Variants in LPP observed in about 807,000 individuals in gnomAD.
The protein encoded by LPP is lipoma-preferred partner.
Under a neutral mutation model 60.4 loss-of-function variants are expected in LPP, and 38 were observed. That is an observed-to-expected ratio of 0.63 (90% CI 0.49 to 0.83). LPP has a LOEUF of 0.83. LPP is among the 40% of genes least tolerant of loss of function. The pLI, the probability that LPP is intolerant of heterozygous loss-of-function variation, is 0.00. For synonymous variants in LPP, 328 were observed against 290.8 expected, an observed-to-expected ratio of 1.13 and a Z score of -1.30; for missense variants, 902 against 783.6, an observed-to-expected ratio of 1.15 and a Z score of -1.80.
intron 8 of LPP, among the ~76,000 whole-genome samples, chr3:188,744,899 C>T (rs1274435018): frequency 6.6e-6 from 1 of 152,106 alleles, no homozygotes; most frequent in African/African-American, 2.4e-5. Context: ...TCCTCCCATT[C>T]CTACCTGCCC....
intron 9 of LPP, among the ~76,000 whole-genome samples, chr3:188,834,337 T>C (rs1378364973): frequency 6.8e-6 from 1 of 146,472 alleles, no homozygotes; most frequent in Non-Finnish European, 1.5e-5. Context: ...TTTTTTTTTT[T>C]TTTTTTTTTT....
chr3:188,567,793 A>G (rs911130202), intron 6 of LPP, among the ~76,000 whole-genome samples: 5 of 151,992 alleles, frequency 3.3e-5, no homozygotes, highest in Non-Finnish European at 7.4e-5. Flanking sequence ...CTTCTCATGC[A>G]TATCAACACC....
At chr3:188,377,605 G>A (rs953113293) in intron 3 of LPP, among the ~76,000 whole-genome samples, 8 of 152,018 alleles carry the variant, frequency 5.3e-5, no homozygotes, top group African/African-American at 9.7e-5. Flanking sequence ...TTATCCATTC[G>A]TCTAATTTTT....
chr3:188,188,320 T>C (rs147847767), intron 1 of LPP, among the ~76,000 whole-genome samples: 196 of 152,290 alleles, frequency 1.3e-3, no homozygotes, highest in Admixed American at 2.6e-3. Context: ...ACATTTAGTT[T>C]TCTTGGCAGC....
intron 6 of LPP, among the ~76,000 whole-genome samples, chr3:188,556,798 T>C (rs555404567): frequency 6.6e-6 from 1 of 152,052 alleles, no homozygotes; most frequent in African/African-American, 2.4e-5. Flanking sequence ...CTGAATGCCC[T>C]GGTGATTGAT....
At position 188,330,247 on chromosome 3, in the gene LPP, CTT is replaced by C. The variant is rs527881061; in HGVS notation, c.-66-11415_-66-11414del. On this transcript the variant is annotated intron_variant, in intron 2 of 11. Transcript: ENST00000617246. ...ACTACATGTTCTTTTAAATATGTCTCTTATGTTATAGAGTAACTTTTTGGGGA... is the reference window on the plus strand; with the variant it reads ...ACTACATGTTCTTTTAAATATGTCTCATGTTATAGAGTAACTTTTTGGGGA... Among the ~76,000 whole-genome samples the C allele has an allele frequency of 2.7e-4, 41 of 152,266 alleles. No homozygotes were observed. The South Asian group carries it at 8.5e-3, about 32-fold the overall frequency.
At chr3:188,708,204 G>C (rs184941874) in intron 7 of LPP, 63 bp from the exon 8 acceptor site, 3 of 1,588,708 alleles carry the variant, frequency 1.9e-6, no homozygotes, top group Non-Finnish European at 2.6e-6. Flanking sequence ...GCTTGTTTAG[G>C]CTGACTGCCT....
chr3:188,475,486 T>A (rs963884792), intron 4 of LPP, among the ~76,000 whole-genome samples: 6 of 152,160 alleles, frequency 3.9e-5, no homozygotes, highest in South Asian at 2.1e-4. Flanking sequence ...GGATAAAAAA[T>A]TGAAAACAAT....
intron 4 of LPP, among the ~76,000 whole-genome samples, chr3:188,425,668 T>G (rs891646254): frequency 3.3e-5 from 5 of 152,232 alleles, no homozygotes; most frequent in Non-Finnish European, 7.3e-5. Flanking sequence ...CTTCCTGGTT[T>G]AGTCTTGGGA....
At chr3:188,326,913 C>G (rs1234714271) in intron 2 of LPP, among the ~76,000 whole-genome samples, 2 of 151,988 alleles carry the variant, frequency 1.3e-5, no homozygotes, top group African/African-American at 4.8e-5. Flanking sequence ...AATCTCAATT[C>G]TTCTGGATTT....
intron 8 of LPP, 76 bp downstream of exon 8, chr3:188,708,469 TC>T: frequency 1.3e-6 from 2 of 1,574,640 alleles, no homozygotes; most frequent in Non-Finnish European, 1.7e-6. Context: ...GGAACTATTA[TC>T]AGCTCCACTG....
chr3:188,408,010 A>C (rs1578674187), intron 4 of LPP, among the ~76,000 whole-genome samples: 1 of 150,488 alleles, frequency 6.6e-6, no homozygotes, highest in African/African-American at 2.4e-5. Flanking sequence ...CTGGTCTTGA[A>C]CTCCTGACCT....
chr3:188,539,834 A>T (rs1396966909), intron 6 of LPP, among the ~76,000 whole-genome samples: 3 of 152,172 alleles, frequency 2.0e-5, no homozygotes, highest in Non-Finnish European at 4.4e-5. Context: ...ATGGGAGCTC[A>T]TTTGAATGAT....
chr3:188,698,137 A>G (rs962668397), intron 7 of LPP, among the ~76,000 whole-genome samples: 1 of 151,654 alleles, frequency 6.6e-6, no homozygotes, highest in African/African-American at 2.4e-5. Context: ...CATTAGAGCA[A>G]CTAGCCCATT....
intron 7 of LPP, among the ~76,000 whole-genome samples, chr3:188,622,406 C>T (rs528997742): frequency 2.0e-5 from 3 of 152,138 alleles, no homozygotes; most frequent in African/African-American, 7.2e-5. Flanking sequence ...CTGCTTACAA[C>T]GTAATTCTGT....
intron 9 of LPP, among the ~76,000 whole-genome samples, chr3:188,793,537 C>A (rs1744468674): frequency 6.6e-6 from 1 of 152,136 alleles, no homozygotes; most frequent in Non-Finnish European, 1.5e-5. Context: ...TCTAACCTGT[C>A]ATTTCAATGA....
At chr3:188,263,807 G>A (rs369371404) in intron 2 of LPP, among the ~76,000 whole-genome samples, 4 of 152,164 alleles carry the variant, frequency 2.6e-5, no homozygotes, top group African/African-American at 7.2e-5. Context: ...TGCTGGGAGC[G>A]TCCTCTCATT....
chr3:188,526,896 A>G (rs1820741906), intron 6 of LPP, among the ~76,000 whole-genome samples: 2 of 152,212 alleles, frequency 1.3e-5, no homozygotes, highest in African/African-American at 4.8e-5. Flanking sequence ...ATGTGAGGAT[A>G]TGGCCTATAC....
At chr3:188,618,380 T>C (rs1348503704) in intron 7 of LPP, among the ~76,000 whole-genome samples, 1 of 152,204 alleles carries the variant, frequency 6.6e-6, no homozygotes, top group Admixed American at 6.5e-5. Context: ...TTATAAAATT[T>C]ACGAAACACT....
Sources: gnomAD v4.1 joint callset for allele counts (sites outside exome capture counted in the v4.1 genomes callset) on GRCh38, gnomAD v4.1.1 for gene constraint, MANE v1.5 for transcripts, NCBI Gene and HGNC (gene_info 2026-07-23, HGNC 2026-07-21) for gene names.